The following RSPO2 variants were observed in gnomAD, a reference collection of about 807,000 sequenced individuals.
RSPO2 encodes the protein R-spondin-2.
A neutral mutation model predicts 30.9 loss-of-function variants in RSPO2; 14 were observed. The ratio of observed to expected loss-of-function variants is 0.45; its 90% confidence interval spans 0.30 to 0.71. The LOEUF is 0.71. RSPO2 is among the 30% of genes least tolerant of loss of function. The pLI, the probability that RSPO2 is intolerant of heterozygous loss-of-function variation, is 0.08. For synonymous variants in RSPO2, 107 were observed against 96.4 expected (o/e 1.11, Z -0.64); for missense variants, 264 against 301.9 (o/e 0.87, Z 0.93).
intron 3 of RSPO2, among the ~76,000 whole-genome samples, chr8:107,978,866 C>T (rs1289971182): frequency 6.6e-6 from 1 of 152,132 alleles, no homozygotes. Flanking sequence ...AAAAAGTGGG[C>T]AAAGGATATG....
chr8:108,069,363 ACCACCCCAC>A (rs1203679107), intron 2 of RSPO2, among the ~76,000 whole-genome samples: 1 of 152,006 alleles, frequency 6.6e-6, no homozygotes, highest in Non-Finnish European at 1.5e-5. Context: ...ACAGGCATGC[ACCACCCCAC>A]CCAGCTAATT....
intron 2 of RSPO2, among the ~76,000 whole-genome samples, chr8:107,998,045 CTT>C (rs1815090804): frequency 6.6e-6 from 1 of 152,202 alleles, no homozygotes; most frequent in South Asian, 2.1e-4. Flanking sequence ...CTGTTGGCAT[CTT>C]AGCCTCACTC....
At chr8:108,016,554 T>C (rs1159493725) in intron 2 of RSPO2, among the ~76,000 whole-genome samples, 3 of 152,160 alleles carry the variant, frequency 2.0e-5, no homozygotes, top group African/African-American at 7.2e-5. Flanking sequence ...AAAAACCACC[T>C]TCAGAGAAAA....
At chr8:108,044,482 A>G (rs139968051) in intron 2 of RSPO2, among the ~76,000 whole-genome samples, 357 of 152,230 alleles carry the variant, frequency 2.3e-3, no homozygotes, top group African/African-American at 8.3e-3. Context: ...CTGTCTCTGC[A>G]TTAACTCGCA....
At chr8:108,014,961 TA>T (rs1208760745) in intron 2 of RSPO2, among the ~76,000 whole-genome samples, 12 of 151,342 alleles carry the variant, frequency 7.9e-5, no homozygotes, top group Non-Finnish European at 7.4e-5. Context: ...AAATAAATAA[TA>T]AGCTCCTGGA....
chr8:107,918,733 AT>A (rs1164476354), intron 5 of RSPO2, among the ~76,000 whole-genome samples: 1 of 152,138 alleles, frequency 6.6e-6, no homozygotes, highest in Non-Finnish European at 1.5e-5. Flanking sequence ...AAAAATAATT[AT>A]TCTCGCTGCA....
intron 3 of RSPO2, among the ~76,000 whole-genome samples, chr8:107,974,307 C>T (rs367982936): frequency 5.2e-5 from 7 of 135,922 alleles, no homozygotes; most frequent in South Asian, 2.3e-4. Flanking sequence ...GGCTATGTGA[C>T]GATACTTCAT....
chr8:107,964,715 C>T (rs1378909078), intron 3 of RSPO2, among the ~76,000 whole-genome samples: 1 of 152,150 alleles, frequency 6.6e-6, no homozygotes, highest in East Asian at 1.9e-4. Flanking sequence ...GTGGGGGGAA[C>T]TCCTGTGCAG....
At chr8:107,922,041 G>A (rs769041711) in intron 5 of RSPO2, among the ~76,000 whole-genome samples, 6 of 152,136 alleles carry the variant, frequency 3.9e-5, no homozygotes, top group East Asian at 1.9e-4. Flanking sequence ...AAACTGGCAC[G>A]AGACAAGGAT....
intron 5 of RSPO2, among the ~76,000 whole-genome samples, chr8:107,955,283 C>G (rs181916330): frequency 2.0e-5 from 3 of 152,126 alleles, no homozygotes; most frequent in Non-Finnish European, 4.4e-5. Context: ...ACCTATCCCC[C>G]CCTAAATCCT....
intron 3 of RSPO2, among the ~76,000 whole-genome samples, chr8:107,975,567 G>A (rs1563546545): frequency 6.6e-6 from 1 of 152,194 alleles, no homozygotes; most frequent in South Asian, 2.1e-4. Flanking sequence ...CCACGACATA[G>A]TATCTGGCAC....
intron 5 of RSPO2, among the ~76,000 whole-genome samples, chr8:107,935,210 G>C (rs939384064): frequency 6.6e-6 from 1 of 152,118 alleles, no homozygotes; most frequent in African/African-American, 2.4e-5. Context: ...GGGAGATCTT[G>C]CACTCTGGGA....
rs1385985819 is a variant in RSPO2 at position 107,900,018 on chromosome 8, A to C, written c.*1057T>G. Reference sequence around the variant, plus strand: ...TCATTTAAAGCCAGGGATTGCTTTAAATTTGGGGGAAAAAAATTGCAGTCA... The same window carrying C: ...TCATTTAAAGCCAGGGATTGCTTTACATTTGGGGGAAAAAAATTGCAGTCA... On this transcript the variant is annotated 3_prime_UTR_variant, in exon 6 of 6. Coordinates refer to ENST00000276659, the MANE Select transcript of RSPO2 (RefSeq NM_178565.5). 1 of 149,838 alleles carries C rather than the reference A, an allele frequency of 6.7e-6. No individual in the cohort carries two copies. Among genetic ancestry groups the C allele is most frequent in the Non-Finnish European group, 1.5e-5 (1 of 67,248 alleles). 9.3% of individuals were successfully genotyped at this position (149,838 alleles called of 1,614,324 possible).
intron 2 of RSPO2, among the ~76,000 whole-genome samples, chr8:108,080,834 T>C (rs1007293329): frequency 2.0e-5 from 3 of 152,174 alleles, no homozygotes; most frequent in African/African-American, 7.2e-5. Flanking sequence ...TTTTTCTAAG[T>C]AGACTGCAGC....
At chr8:107,984,576 GCTT>G (rs1350865585) in intron 3 of RSPO2, among the ~76,000 whole-genome samples, 2 of 152,090 alleles carry the variant, frequency 1.3e-5, no homozygotes, top group Non-Finnish European at 2.9e-5. Context: ...AAATTATTAT[GCTT>G]TTTTAAACAA....
At chr8:107,940,800 A>G (rs1160612007) in intron 5 of RSPO2, among the ~76,000 whole-genome samples, 4 of 152,206 alleles carry the variant, frequency 2.6e-5, no homozygotes, top group African/African-American at 9.6e-5. Context: ...ATAGATGAAT[A>G]AGGAAAAAAT....
intron 2 of RSPO2, among the ~76,000 whole-genome samples, chr8:108,008,455 C>T (rs1815534147): frequency 6.6e-6 from 1 of 152,132 alleles, no homozygotes; most frequent in Non-Finnish European, 1.5e-5. Flanking sequence ...GGGCAGAAGA[C>T]ACCAGAGCTC....
intron 2 of RSPO2, among the ~76,000 whole-genome samples, chr8:108,004,455 T>C (rs919168609): frequency 3.3e-5 from 5 of 152,300 alleles, no homozygotes; most frequent in African/African-American, 1.2e-4. Context: ...TTAGAAAGCC[T>C]GAGTATACCA....
intron 2 of RSPO2, among the ~76,000 whole-genome samples, chr8:108,075,208 C>T (rs757564664): frequency 2.0e-5 from 3 of 152,140 alleles, no homozygotes; most frequent in Admixed American, 6.5e-5. Context: ...CAGCCGGGCA[C>T]GGTGGCTCAC....
Sources: allele counts gnomAD v4.1 joint callset (sites outside exome capture counted in the v4.1 genomes callset), GRCh38; gene constraint gnomAD v4.1.1; transcripts MANE v1.5; gene names NCBI Gene and HGNC (gene_info 2026-07-23, HGNC 2026-07-21).